Variants in TTC21B observed in about 807,000 individuals in gnomAD.
TTC21B encodes tetratricopeptide repeat protein 21B.
A neutral mutation model predicts 175.1 loss-of-function variants in TTC21B; 127 were observed. That is an observed-to-expected ratio of 0.73 (90% CI 0.63 to 0.84). The LOEUF (loss-of-function observed/expected upper bound fraction) is 0.84, where lower values mean the gene tolerates loss of function less well. TTC21B is among the 40% of genes least tolerant of loss of function. The pLI is 0.00. For synonymous variants in TTC21B, 524 were observed against 524.5 expected (o/e 1.00, Z 0.01); for missense variants, 1,561 against 1,558.3 (o/e 1.00, Z -0.03).
At chr2:165,949,117 T>C in intron 3 of TTC21B, 1 of 401,592 alleles carries the variant, frequency 2.5e-6, no homozygotes, top group Non-Finnish European at 4.5e-6. Context: ...TTTTTTTGTG[T>C]AACAATTACT....
intron 3 of TTC21B, chr2:165,947,477 C>A (rs1299143439): frequency 2.6e-5 from 4 of 151,822 alleles, no homozygotes; most frequent in African/African-American, 7.3e-5. Context: ...CTTTTCTCCT[C>A]TCCCCACTCC....
intron 1 of TTC21B, among the ~76,000 whole-genome samples, chr2:165,950,135 AT>A: frequency 7.2e-6 from 1 of 138,704 alleles, no homozygotes; most frequent in African/African-American, 2.6e-5. Flanking sequence ...AAAAAAAAAA[AT>A]CTTCTTTTTA....
At chr2:165,927,196 T>TTA (rs1257378138) in intron 11 of TTC21B, among the ~76,000 whole-genome samples, 7 of 54,044 alleles carry the variant, frequency 1.3e-4, no homozygotes, top group African/African-American at 3.0e-4. Context: ...ATCCTAGTAG[T>TTA]TATATATATA....
chr2:165,878,661 T>C (rs10196217), intron 27 of TTC21B, among the ~76,000 whole-genome samples: 21,027 of 151,092 alleles, frequency 0.14, 1,765 homozygotes, highest in Non-Finnish European at 0.19. Context: ...CTGAATTCTA[T>C]GGAAAGAGCA....
chr2:165,941,257 C>T, intron 5 of TTC21B, 73 bp from the exon 6 acceptor site: 1 of 1,539,218 alleles, frequency 6.5e-7, no homozygotes. Context: ...GCAGAGCAGG[C>T]AGAGTATGAG....
chr2:165,929,026 T>C (rs1307858420), intron 11 of TTC21B, 109 bp downstream of exon 11: 1 of 973,866 alleles, frequency 1.0e-6, no homozygotes, highest in African/African-American at 1.6e-5. Context: ...GTACAAATAC[T>C]ACCATTTTAA....
At chr2:165,876,016 C>T (rs1034676059) in intron 28 of TTC21B, 149 bp downstream of exon 28, 10 of 596,866 alleles carry the variant, frequency 1.7e-5, no homozygotes, top group Admixed American at 3.0e-5. Context: ...TTCTAAATTT[C>T]GAACACTGAT....
At chr2:165,925,954 T>C (rs1234692455) in intron 11 of TTC21B, among the ~76,000 whole-genome samples, 2 of 152,184 alleles carry the variant, frequency 1.3e-5, no homozygotes, top group East Asian at 3.8e-4. Flanking sequence ...AGAACAACCA[T>C]CATTTTCACT....
intron 19 of TTC21B, among the ~76,000 whole-genome samples, chr2:165,906,885 G>A (rs1259393451): frequency 6.7e-6 from 1 of 149,190 alleles, no homozygotes; most frequent in Non-Finnish European, 1.5e-5. Context: ...AACCTGGGAG[G>A]CAGAGGTTGC....
rs1040249104 is a variant in TTC21B, at chr2:165,903,264, G to A, written c.2569-1354C>T. Among the ~76,000 whole-genome samples the A allele has an allele frequency of 2.6e-5, 4 of 152,236 alleles. No individual in the cohort carries two copies. The South Asian group carries it at 6.2e-4, about 24-fold the overall frequency. On this transcript the variant is annotated intron_variant, in intron 19 of 28. Transcript: ENST00000243344. ...TTAGTAGTTACACCCTGGTGAGTTG[G>A]GGAAAAACAGATGGGATGAAGAGAT...
intron 12 of TTC21B, among the ~76,000 whole-genome samples, chr2:165,922,710 C>G (rs1352977249): frequency 6.6e-6 from 1 of 151,822 alleles, no homozygotes; most frequent in Non-Finnish European, 1.5e-5. Flanking sequence ...ATTTACCATT[C>G]AATCCAGAAA....
chr2:165,925,322 A>C (rs1195506154), intron 11 of TTC21B, among the ~76,000 whole-genome samples: 1 of 152,128 alleles, frequency 6.6e-6, no homozygotes, highest in African/African-American at 2.4e-5. Context: ...TATTCTTTTC[A>C]CTGTTTCTTC....
chr2:165,946,121 C>T (rs1301946461), intron 3 of TTC21B, among the ~76,000 whole-genome samples: 3 of 147,196 alleles, frequency 2.0e-5, no homozygotes, highest in South Asian at 2.1e-4. Flanking sequence ...GTCAGGAGAT[C>T]GAGACCATCC....
chr2:165,948,689 C>T (rs536658571), intron 3 of TTC21B: 1 of 152,434 alleles, frequency 6.6e-6, no homozygotes, highest in African/African-American at 2.4e-5. Context: ...ATTAACTATA[C>T]ATTAAGACAG....
At position 165,917,161 on chromosome 2, in the gene TTC21B, G is replaced by A. The variant is rs565834183; in HGVS notation, c.1899+96C>T. On this transcript the variant is annotated intron_variant, in intron 14 of 28. Transcript: ENST00000243344. ...CCCAAAGTGCTGGGATTACAGGTGTGAGCCACCATGCCTGGGCAGCTTTTC... is the reference window on the plus strand; with the variant it reads ...CCCAAAGTGCTGGGATTACAGGTGTAAGCCACCATGCCTGGGCAGCTTTTC... The A allele has an allele frequency of 1.3e-4, 150 of 1,189,952 alleles. No individual in the cohort carries two copies. The South Asian group carries it at 1.7e-3, about 14-fold the overall frequency. The allele number at this position is 1,189,952 out of a possible 1,614,324, so 73.7% of individuals were successfully genotyped here.
intron 6 of TTC21B, among the ~76,000 whole-genome samples, chr2:165,934,500 CAAA>C (rs369089707): frequency 8.3e-5 from 6 of 71,888 alleles, no homozygotes; most frequent in Non-Finnish European, 1.2e-4. Context: ...GACTCTGTCT[CAAA>C]AAAAAAAAAA....
intron 12 of TTC21B, 61 bp downstream of exon 12, chr2:165,924,488 T>A: frequency 6.5e-7 from 1 of 1,532,050 alleles, no homozygotes; most frequent in Non-Finnish European, 9.0e-7. Flanking sequence ...CTTAATTTAT[T>A]TACGCTTGTT....
chr2:165,883,127 T>C (rs1190986939), intron 26 of TTC21B, among the ~76,000 whole-genome samples: 1 of 152,156 alleles, frequency 6.6e-6, no homozygotes, highest in Non-Finnish European at 1.5e-5. Context: ...TTTGAAGTAA[T>C]TGATATGAAT....
At chr2:165,909,558 C>A (rs1024829694) in intron 18 of TTC21B, among the ~76,000 whole-genome samples, 14 of 151,950 alleles carry the variant, frequency 9.2e-5, no homozygotes, top group Non-Finnish European at 2.9e-5. Context: ...CAAAATAATA[C>A]CTAACCTTAT....
Sources: allele counts gnomAD v4.1 joint callset (sites outside exome capture counted in the v4.1 genomes callset), GRCh38; gene constraint gnomAD v4.1.1; transcripts MANE v1.5; gene names NCBI Gene and HGNC (gene_info 2026-07-23, HGNC 2026-07-21).